Variants in PIP4K2B observed in about 807,000 individuals in gnomAD.
PIP4K2B encodes phosphatidylinositol-5-phosphate 4-kinase type 2 beta.
A neutral mutation model predicts 42.0 loss-of-function variants in PIP4K2B; 3 were observed. The ratio of observed to expected loss-of-function variants is 0.07; its 90% CI spans 0.03 to 0.18. The LOEUF is 0.18. Ranked by LOEUF, PIP4K2B falls within the 10% of genes least tolerant of loss-of-function variation. The probability of loss-of-function intolerance (pLI) is 1.00; values close to 1 mark genes in which losing one functional copy is unlikely to be tolerated. For synonymous variants in PIP4K2B, 204 were observed against 210.1 expected (o/e 0.97, Z 0.25); for missense variants, 332 against 562.3 (o/e 0.59, Z 4.14).
chr17:38,779,991 T>G (rs1203389127), intron 4 of PIP4K2B: 2 of 179,540 alleles, frequency 1.1e-5, no homozygotes, highest in Admixed American at 5.6e-5. Flanking sequence ...CCCCAGGGTT[T>G]CTGCCATAAC....
intron 5 of PIP4K2B, 123 bp downstream of exon 5, chr17:38,779,260 G>C: frequency 2.1e-6 from 2 of 944,290 alleles, no homozygotes; most frequent in Admixed American, 2.1e-5. Flanking sequence ...ATCCACTCCA[G>C]AGTTCCCTGT....
intron 7 of PIP4K2B, among the ~76,000 whole-genome samples, chr17:38,775,409 A>G (rs1467448771): frequency 6.6e-6 from 1 of 152,080 alleles, no homozygotes; most frequent in East Asian, 1.9e-4. Context: ...ATGTCACCAC[A>G]CCCAGCTAGT....
chr17:38,793,858 C>T (rs995219944), intron 1 of PIP4K2B, among the ~76,000 whole-genome samples: 2 of 149,444 alleles, frequency 1.3e-5, no homozygotes, highest in Non-Finnish European at 3.0e-5. Context: ...TGCAAGAGCG[C>T]GAGACCCTGC....
chr17:38,794,319 G>T (rs1910502954), intron 1 of PIP4K2B, among the ~76,000 whole-genome samples: 1 of 151,896 alleles, frequency 6.6e-6, no homozygotes, highest in South Asian at 2.1e-4. Flanking sequence ...CCAGGGGCTG[G>T]GGGCGGGGGA....
At chr17:38,771,983 C>T (rs1388700251) in intron 7 of PIP4K2B, among the ~76,000 whole-genome samples, 3 of 152,048 alleles carry the variant, frequency 2.0e-5, no homozygotes, top group Admixed American at 6.5e-5. Flanking sequence ...TAAGCTATGA[C>T]GGCACTATTG....
At chr17:38,790,338 T>C (rs1358576276) in intron 1 of PIP4K2B, among the ~76,000 whole-genome samples, 2 of 152,156 alleles carry the variant, frequency 1.3e-5, no homozygotes, top group Non-Finnish European at 2.9e-5. Flanking sequence ...CCCATTTCCT[T>C]TTTCCTGGCA....
intron 3 of PIP4K2B, among the ~76,000 whole-genome samples, chr17:38,781,462 T>C (rs1490190599): frequency 6.6e-6 from 1 of 152,102 alleles, no homozygotes; most frequent in Non-Finnish European, 1.5e-5. Flanking sequence ...TACATGGGGA[T>C]CATGTCACAG....
At chr17:38,770,973 G>T (rs759576068) in intron 8 of PIP4K2B, 41 bp downstream of exon 8, 1 of 1,608,928 alleles carries the variant, frequency 6.2e-7, no homozygotes, top group Non-Finnish European at 8.5e-7. Context: ...GGGGTAGGAT[G>T]AGGGCAGGGC....
chr17:38,783,594 A>C (rs1909830027), intron 3 of PIP4K2B, among the ~76,000 whole-genome samples: 1 of 148,578 alleles, frequency 6.7e-6, no homozygotes, highest in Non-Finnish European at 1.5e-5. Context: ...GCTAACAACA[A>C]TTCTCTCTCT....
At chr17:38,790,837 C>T (rs1019775489) in intron 1 of PIP4K2B, among the ~76,000 whole-genome samples, 3 of 152,164 alleles carry the variant, frequency 2.0e-5, no homozygotes, top group African/African-American at 7.2e-5. Context: ...CTCATTTCTA[C>T]TAGGCCACAT....
chr17:38,778,469 G>GT (rs1909493501), intron 5 of PIP4K2B, 97 bp from the exon 6 acceptor site: 2 of 1,088,886 alleles, frequency 1.8e-6, no homozygotes, highest in Admixed American at 1.7e-5. Context: ...AAGTAGGCTT[G>GT]TTAGAGTCCT....
chr17:38,775,773 G>A (rs966114852), intron 7 of PIP4K2B, among the ~76,000 whole-genome samples: 1 of 151,836 alleles, frequency 6.6e-6, no homozygotes, highest in Non-Finnish European at 1.5e-5. Context: ...CAGGAGAATC[G>A]CTTGAACCCG....
chr17:38,777,676 T>G lies in PIP4K2B; in HGVS notation c.807+11A>C. 1 of 1,561,234 alleles carries G rather than the reference T, an allele frequency of 6.4e-7. No individual in the cohort carries two copies. Among genetic ancestry groups the G allele is most frequent in the Non-Finnish European group, 8.8e-7 (1 of 1,131,752 alleles). On this transcript the variant is annotated intron_variant, in intron 7 of 9. Coordinates refer to ENST00000619039, the MANE Select transcript of PIP4K2B (RefSeq NM_003559.5). ...GGAGCCTTGCAGGTGAAAATGAAGG[T>G]TAGTAAGTACCTCAACGTCCCGCTT...
At chr17:38,773,987 A>G (rs562394515) in intron 7 of PIP4K2B, among the ~76,000 whole-genome samples, 1 of 152,104 alleles carries the variant, frequency 6.6e-6, no homozygotes, top group South Asian at 2.1e-4. Flanking sequence ...CAGGACAAAT[A>G]ATGTCAGATG....
intron 2 of PIP4K2B, 119 bp from the exon 3 acceptor site, chr17:38,784,458 A>C: frequency 1.7e-6 from 1 of 587,326 alleles, no homozygotes; most frequent in Non-Finnish European, 2.9e-6. Flanking sequence ...CTGGTCTTGA[A>C]CTCCTGGCTT....
chr17:38,779,689 G>T (rs544863001), intron 4 of PIP4K2B, among the ~76,000 whole-genome samples, 160 bp from the exon 5 acceptor site: 1 of 152,290 alleles, frequency 6.6e-6, no homozygotes, highest in East Asian at 1.9e-4. Context: ...GGTTTCTCAG[G>T]CTTAAAATGG....
chr17:38,789,285 G>A (rs1910215076), intron 1 of PIP4K2B, among the ~76,000 whole-genome samples: 2 of 152,302 alleles, frequency 1.3e-5, no homozygotes, highest in South Asian at 4.1e-4. Flanking sequence ...CTTTCCATTG[G>A]TGCAGAGATG....
At chr17:38,798,944 G>T (rs1910800909) in intron 1 of PIP4K2B, among the ~76,000 whole-genome samples, 1 of 152,226 alleles carries the variant, frequency 6.6e-6, no homozygotes, top group African/African-American at 2.4e-5. Context: ...GGAGAAGCAG[G>T]GATGAAAGCG....
At position 38,780,608 on chromosome 17, in the gene PIP4K2B, A is replaced by G. The variant is rs766289105; in HGVS notation, c.355-4T>C. On this transcript the variant is annotated splice_polypyrimidine_tract_variant and splice_region_variant and intron_variant, in intron 3 of 9. Transcript: ENST00000619039. Reference sequence around the variant, plus strand: ...GGGCGCTGCGCGTCACTGAATTCTGATAATCGAGACAAAAGAAGGCTGGGC... The same window carrying G: ...GGGCGCTGCGCGTCACTGAATTCTGGTAATCGAGACAAAAGAAGGCTGGGC... 3 of 1,606,358 alleles carry G rather than the reference A, an allele frequency of 1.9e-6. No homozygotes were observed. Among genetic ancestry groups the G allele is most frequent in the East Asian group, 2.2e-5 (1 of 44,626 alleles).
Sources: gnomAD v4.1 joint callset for allele counts (sites outside exome capture counted in the v4.1 genomes callset) on GRCh38, gnomAD v4.1.1 for gene constraint, MANE v1.5 for transcripts, NCBI Gene and HGNC (gene_info 2026-07-23, HGNC 2026-07-21) for gene names.